The following DMD variants were observed in gnomAD, a reference collection of about 807,000 sequenced individuals.
The protein encoded by DMD is mutant dystrophin.
Under a neutral mutation model 330.1 loss-of-function variants are expected in DMD, and 63 were observed. That is an observed-to-expected ratio of 0.19 (90% CI 0.16 to 0.24). The LOEUF is 0.24. Among genes scored for constraint, DMD ranks in the 10% least tolerant of loss-of-function variants. DMD has a pLI of 1.00. For missense variants in DMD, 3,344 were observed against 2,684.1 expected (o/e 1.25, Z -5.43); for synonymous variants, 1,223 against 959.8 (o/e 1.27, Z -5.07).
intron 34 of DMD, among the ~76,000 whole-genome samples, chrX:32,374,080 C>T (rs1353691639): frequency 9.0e-6 from 1 of 111,352 alleles, no homozygotes; most frequent in Non-Finnish European, 1.9e-5. Context: ...TTTTAATATG[C>T]TCATTGGCCG....
At chrX:32,593,686 T>G (rs1055174868) in intron 13 of DMD, among the ~76,000 whole-genome samples, 4 of 111,716 alleles carry the variant, frequency 3.6e-5, no homozygotes, top group Non-Finnish European at 7.5e-5. Context: ...ACATAACGAG[T>G]ACTTGTTGAA....
intron 59 of DMD, among the ~76,000 whole-genome samples, chrX:31,474,658 G>A (rs537449447): frequency 6.7e-5 from 7 of 104,279 alleles, no homozygotes; most frequent in South Asian, 4.2e-4. Flanking sequence ...GCAGTGAGCC[G>A]AGATAGCACC....
intron 13 of DMD, among the ~76,000 whole-genome samples, chrX:32,578,438 A>G (rs1219084875): frequency 8.9e-6 from 1 of 112,123 alleles, no homozygotes; most frequent in Admixed American, 9.5e-5. Flanking sequence ...TAACATTTTC[A>G]TGGACTAAAT....
At chrX:32,707,349 C>T (rs1345268650) in intron 7 of DMD, among the ~76,000 whole-genome samples, 1 of 111,852 alleles carries the variant, frequency 8.9e-6, no homozygotes, top group Admixed American at 9.5e-5. Flanking sequence ...CATAAAAGCC[C>T]TCTTCGCTGG....
At chrX:33,231,575 A>C (rs1465385427) in intron 1 of DMD, among the ~76,000 whole-genome samples, 1 of 111,688 alleles carries the variant, frequency 9.0e-6, no homozygotes, top group Non-Finnish European at 1.9e-5. Flanking sequence ...TGGTTCAATA[A>C]AACAGTACAA....
intron 1 of DMD, among the ~76,000 whole-genome samples, chrX:33,327,125 A>G (rs7877417): frequency 0.011 from 1,193 of 112,245 alleles, 24 homozygotes; most frequent in African/African-American, 0.037. Flanking sequence ...AACAACTATA[A>G]ACATTTGCTT....
chrX:33,006,702 T>C (rs1397142597), intron 2 of DMD, among the ~76,000 whole-genome samples: 1 of 111,637 alleles, frequency 9.0e-6, no homozygotes, highest in Admixed American at 9.5e-5. Flanking sequence ...TATTTTTTAA[T>C]AGAGATAAAT....
At chrX:32,754,827 AATCATT>A (rs2071295854) in intron 7 of DMD, 1 of 111,700 alleles carries the variant, frequency 9.0e-6, no homozygotes, top group Admixed American at 9.5e-5. Context: ...CTAGCCATTA[AATCATT>A]GTGCAGATGG....
At chrX:31,192,883 G>C (rs1419560413) in intron 67 of DMD, among the ~76,000 whole-genome samples, 2 of 112,094 alleles carry the variant, frequency 1.8e-5, no homozygotes, top group African/African-American at 6.5e-5. Flanking sequence ...AGCTAAGTAA[G>C]CAAGGCCCAC....
chrX:32,789,413 G>A (rs931511808), intron 7 of DMD, among the ~76,000 whole-genome samples: 4 of 111,918 alleles, frequency 3.6e-5, no homozygotes, highest in Non-Finnish European at 7.5e-5. Context: ...AGAAACAATT[G>A]TTCCATTGTA....
intron 50 of DMD, among the ~76,000 whole-genome samples, chrX:31,811,719 G>C (rs1028195905): frequency 9.0e-6 from 1 of 111,515 alleles, no homozygotes; most frequent in Non-Finnish European, 1.9e-5. Flanking sequence ...TAGCCATGTC[G>C]TAAGTGTTTT....
At chrX:33,220,751 G>T (rs1221831366) in intron 1 of DMD, among the ~76,000 whole-genome samples, 2 of 111,394 alleles carry the variant, frequency 1.8e-5, no homozygotes, top group Non-Finnish European at 3.8e-5. Flanking sequence ...TCTGGGCTTT[G>T]TTTAAATTTA....
At chrX:33,291,843 C>T (rs1004762791) in intron 1 of DMD, among the ~76,000 whole-genome samples, 2 of 111,507 alleles carry the variant, frequency 1.8e-5, no homozygotes, top group Non-Finnish European at 3.8e-5. Flanking sequence ...AATTTGATGG[C>T]TGCATAATTT....
At chrX:32,678,688 A>G (rs1246882108) in intron 9 of DMD, among the ~76,000 whole-genome samples, 1 of 111,525 alleles carries the variant, frequency 9.0e-6, no homozygotes, top group Admixed American at 9.6e-5. Context: ...TCACAGTCAG[A>G]GTTATATTAT....
chrX:32,639,172 C>A (rs976217623), intron 11 of DMD, among the ~76,000 whole-genome samples: 8 of 111,900 alleles, frequency 7.1e-5, no homozygotes, highest in Admixed American at 2.8e-4. Flanking sequence ...CTGTGCTTAA[C>A]TTTGAGTCCT....
chrX:32,289,298 C>G (rs1179544564), intron 42 of DMD, among the ~76,000 whole-genome samples: 1 of 110,710 alleles, frequency 9.0e-6, no homozygotes, highest in Non-Finnish European at 1.9e-5. Flanking sequence ...GAAATATCAT[C>G]ACCCATATTC....
chrX:32,259,520 C>A (rs1429306165), intron 43 of DMD, among the ~76,000 whole-genome samples: 1 of 107,997 alleles, frequency 9.3e-6, no homozygotes, highest in Non-Finnish European at 1.9e-5. Flanking sequence ...GGTATATTTA[C>A]TTTGTACTAA....
intron 9 of DMD, among the ~76,000 whole-genome samples, chrX:32,677,464 C>T (rs2062050699): frequency 9.0e-6 from 1 of 111,370 alleles, no homozygotes; most frequent in African/African-American, 3.3e-5. Flanking sequence ...TCTTCCTATA[C>T]TTCTAATGTG....
At chrX:32,746,417 C>G (rs933514806) in intron 7 of DMD, among the ~76,000 whole-genome samples, 2 of 111,847 alleles carry the variant, frequency 1.8e-5, no homozygotes, top group African/African-American at 6.5e-5. Context: ...AAGCAGTGGT[C>G]TAGGGCAGGC....
Sources: gnomAD v4.1 joint callset for allele counts (sites outside exome capture counted in the v4.1 genomes callset) on GRCh38, gnomAD v4.1.1 for gene constraint, MANE v1.5 for transcripts, NCBI Gene and HGNC (gene_info 2026-07-23, HGNC 2026-07-21) for gene names.